Variants in TRMT2B observed in about 807,000 individuals in gnomAD.
TRMT2B encodes tRNA (uracil-5-)-methyltransferase homolog B.
A neutral mutation model predicts 39.7 loss-of-function variants in TRMT2B; 34 were observed. The ratio of observed to expected loss-of-function variants is 0.86; its 90% CI spans 0.65 to 1.14. The LOEUF (loss-of-function observed/expected upper bound fraction) is 1.14. Ranked by LOEUF, TRMT2B falls within the 50% of genes most tolerant of loss-of-function variation. The pLI is 0.00. For synonymous variants in TRMT2B, 132 were observed against 137.3 expected, an observed-to-expected ratio of 0.96 and a Z score of 0.27; for missense variants, 318 against 377.2, an observed-to-expected ratio of 0.84 and a Z score of 1.30.
chrX:101,002,779 C>CAA, the TRMT2B span, among the ~76,000 whole-genome samples: 4 of 61,872 alleles, frequency 6.5e-5, no homozygotes, highest in African/African-American at 1.2e-4. Context: ...AACTCTGTCT[C>CAA]AAAAAAAAAA....
chrX:101,026,425 G>A (rs1259086471), intron 7 of TRMT2B, among the ~76,000 whole-genome samples: 2 of 99,314 alleles, frequency 2.0e-5, no homozygotes, highest in East Asian at 6.2e-4. Flanking sequence ...GCAGTGAGCC[G>A]AGATCACACC....
chrX:101,017,564 T>C (rs1045297527), intron 13 of TRMT2B, among the ~76,000 whole-genome samples: 12 of 112,232 alleles, frequency 1.1e-4, no homozygotes, highest in African/African-American at 3.2e-4. Flanking sequence ...AAATAAATTA[T>C]ATTGCTTATA....
intron 2 of TRMT2B, among the ~76,000 whole-genome samples, chrX:101,045,695 G>C (rs1404408681): frequency 9.1e-6 from 1 of 109,350 alleles, no homozygotes; most frequent in Non-Finnish European, 1.9e-5. Flanking sequence ...CTACTCAGGA[G>C]GCTAAGGCAG....
chrX:100,989,800 G>A, the TRMT2B span, among the ~76,000 whole-genome samples: 1 of 111,437 alleles, frequency 9.0e-6, no homozygotes, highest in Non-Finnish European at 1.9e-5. Flanking sequence ...AAGGGACATG[G>A]CCTTTTATAT....
chrX:101,015,524 G>A lies in TRMT2B; in HGVS notation c.1388+3447C>T, dbSNP rs761678126. The A allele has an allele frequency of 1.1e-4, 38 of 339,134 alleles. No individual in the cohort carries two copies. The South Asian group carries it at 4.7e-3, about 42-fold the overall frequency. 27.9% of individuals were successfully genotyped at this position (339,134 alleles called of 1,213,427 possible). On this transcript the variant is annotated intron_variant, in intron 13 of 13. Coordinates refer to ENST00000372936, the MANE Select transcript of TRMT2B (RefSeq NM_024917.6). ...TTTCTATCATTATGAGAGAGACAGC[G>A]TCCTCTCATATTTTGTAAATACCTT... is the stretch of plus-strand genomic sequence containing the variant.
At chrX:100,978,337 A>G in the TRMT2B span, among the ~76,000 whole-genome samples, 1 of 111,010 alleles carries the variant, frequency 9.0e-6, no homozygotes, top group Admixed American at 9.6e-5. Context: ...ATTGGGGTCT[A>G]TCTCTCTCTC....
chrX:101,048,803 T>C (rs1354827562), intron 2 of TRMT2B, among the ~76,000 whole-genome samples: 1 of 112,524 alleles, frequency 8.9e-6, no homozygotes, highest in Non-Finnish European at 1.9e-5. Context: ...AAGATATTAA[T>C]ACTTAAGTGC....
the TRMT2B span, among the ~76,000 whole-genome samples, chrX:100,993,055 C>T: frequency 8.9e-6 from 1 of 112,062 alleles, no homozygotes; most frequent in African/African-American, 3.2e-5. Context: ...ATCCCAAGCA[C>T]CTTATAGGTC....
Position 101,012,138 on chromosome X carries a change from A to G in TRMT2B, c.1389-1431T>C, listed in dbSNP as rs140888736. Among the ~76,000 whole-genome samples the G allele has an allele frequency of 5.2e-3, 582 of 110,910 alleles. 7 individuals are homozygous for G. Among genetic ancestry groups the G allele is most frequent in the African/African-American group, 0.018 (553 of 30,591 alleles). ...TTTATTATCCAGTATTATGTACTATAGATAACTATATGTACTTAATTTTAT... is the reference window on the plus strand; with the variant it reads ...TTTATTATCCAGTATTATGTACTATGGATAACTATATGTACTTAATTTTAT... On this transcript the variant is annotated intron_variant, in intron 13 of 13. Coordinates refer to ENST00000372936, the MANE Select transcript of TRMT2B (RefSeq NM_024917.6).
At chrX:101,016,902 C>G (rs1410155228) in intron 13 of TRMT2B, among the ~76,000 whole-genome samples, 1 of 111,159 alleles carries the variant, frequency 9.0e-6, no homozygotes, top group Non-Finnish European at 1.9e-5. Flanking sequence ...GGGCCGGGTA[C>G]GGTGGCTCAT....
chrX:100,976,206 C>T, the TRMT2B span, among the ~76,000 whole-genome samples: 1 of 109,381 alleles, frequency 9.1e-6, no homozygotes, highest in African/African-American at 3.3e-5. Flanking sequence ...CCTTTAGTCT[C>T]GGTGGGCCCT....
chrX:100,986,566 G>A, the TRMT2B span, among the ~76,000 whole-genome samples: 1 of 112,015 alleles, frequency 8.9e-6, no homozygotes, highest in Non-Finnish European at 1.9e-5. Context: ...ATGAGCCCTG[G>A]GGGGACTATC....
chrX:100,995,916 A>C, the TRMT2B span, among the ~76,000 whole-genome samples: 1 of 112,231 alleles, frequency 8.9e-6, no homozygotes, highest in African/African-American at 3.2e-5. Context: ...GAAGAGTTCC[A>C]CAGTTCTTTT....
chrX:101,022,180 ATTAT>A, intron 8 of TRMT2B, 118 bp from the exon 9 acceptor site: 1 of 495,986 alleles, frequency 2.0e-6, no homozygotes, highest in Non-Finnish European at 3.5e-6. Context: ...CACAAATCTT[ATTAT>A]AAATAACACT....
chrX:101,037,702 G>A (rs1353432381), intron 5 of TRMT2B, among the ~76,000 whole-genome samples: 1 of 111,043 alleles, frequency 9.0e-6, no homozygotes, highest in African/African-American at 3.3e-5. Context: ...GTGTGTCCTG[G>A]GCAAATTACT....
At position 101,037,034 on chromosome X, in the gene TRMT2B, C is replaced by T; in HGVS notation, c.478G>A (p.Val160Met). The T allele has an allele frequency of 8.3e-7, 1 of 1,211,352 alleles. No homozygotes were observed. Among genetic ancestry groups the T allele is most frequent in the African/African-American group, 1.7e-5 (1 of 57,724 alleles). ...GGATTGCCATCTGGACCTCGGTTCA[C>T]AGAGAAGGTGGACTTATTTCGGTAA... ...NGYRNKSTFSVNRGPDGNPKT... is the reference protein window; with the variant it reads ...NGYRNKSTFSMNRGPDGNPKT... Residue 160 changes from valine to methionine, a missense_variant, in exon 6 of 14, where the codon GTG (valine) becomes ATG (methionine). Val to Met is a conservative substitution (Grantham distance 21, BLOSUM62 1). Coordinates refer to ENST00000372936, the MANE Select transcript of TRMT2B (RefSeq NM_024917.6).
At chrX:100,984,421 G>A in the TRMT2B span, among the ~76,000 whole-genome samples, 1 of 111,537 alleles carries the variant, frequency 9.0e-6, no homozygotes, top group South Asian at 3.8e-4. Context: ...TTACAGGCGC[G>A]AGCCACCGTG....
At chrX:101,022,481 C>T (rs771977912) in intron 8 of TRMT2B, among the ~76,000 whole-genome samples, 9 of 110,754 alleles carry the variant, frequency 8.1e-5, no homozygotes, top group African/African-American at 2.6e-4. Context: ...ATTAGCCGGG[C>T]GTGCTGGCAC....
At chrX:101,021,021 C>A in intron 10 of TRMT2B, 80 bp downstream of exon 10, 1 of 927,819 alleles carries the variant, frequency 1.1e-6, no homozygotes, top group Non-Finnish European at 1.6e-6. Flanking sequence ...CTACCACTAC[C>A]TCTCCCCGAC....
Sources: allele counts gnomAD v4.1 joint callset (sites outside exome capture counted in the v4.1 genomes callset), GRCh38; gene constraint gnomAD v4.1.1; transcripts MANE v1.5; gene names NCBI Gene and HGNC (gene_info 2026-07-23, HGNC 2026-07-21).